XRCC5: variants seen among roughly 807,000 people sequenced by gnomAD.
XRCC5 encodes X-ray repair cross complementing 5.
XRCC5 carries 12 observed loss-of-function variants against 95.7 expected under a neutral mutation model. The ratio of observed to expected loss-of-function variants is 0.13; its 90% confidence interval spans 0.08 to 0.20. The LOEUF is 0.20. Ranked by LOEUF, XRCC5 falls within the 10% of genes least tolerant of loss-of-function variation. XRCC5 has a pLI of 1.00. For missense variants in XRCC5, 595 were observed against 873.9 expected (o/e 0.68, Z 4.02); for synonymous variants, 281 against 290.3 (o/e 0.97, Z 0.33).
intron 16 of XRCC5, among the ~76,000 whole-genome samples, chr2:216,189,990 A>C (rs1011756938): frequency 2.0e-5 from 3 of 152,220 alleles, no homozygotes; most frequent in Non-Finnish European, 4.4e-5. Flanking sequence ...AATTCTCAGC[A>C]TTTTAGAAAT....
chr2:216,123,220 C>G (rs1010348830), intron 6 of XRCC5, among the ~76,000 whole-genome samples: 2 of 152,102 alleles, frequency 1.3e-5, no homozygotes, highest in Non-Finnish European at 2.9e-5. Context: ...CAGTGTATAT[C>G]TCCTTAATAT....
At position 216,204,263 on chromosome 2, in the gene XRCC5, C is replaced by G. The variant is rs774095057; in HGVS notation, c.2110-59C>G. Reference sequence around the variant, plus strand: ...GCTGTGGCAATGCTAGCAGATTGTTCCCTCTTTCAAAGGGGCAAAAATATC... The same window carrying G: ...GCTGTGGCAATGCTAGCAGATTGTTGCCTCTTTCAAAGGGGCAAAAATATC... On this transcript the variant is annotated intron_variant, in intron 19 of 20. Transcript: ENST00000392132. The G allele has an allele frequency of 3.1e-6, 5 of 1,598,452 alleles. No homozygotes were observed. The African/African-American group carries it at 5.4e-5, about 17-fold the overall frequency.
intron 6 of XRCC5, among the ~76,000 whole-genome samples, chr2:216,124,331 C>G (rs963786689): frequency 2.0e-5 from 3 of 152,186 alleles, no homozygotes; most frequent in Non-Finnish European, 4.4e-5. Context: ...ACTGCAACCT[C>G]TGCCTCCCAG....
At chr2:216,200,221 A>G (rs1689810723) in intron 19 of XRCC5, among the ~76,000 whole-genome samples, 1 of 152,162 alleles carries the variant, frequency 6.6e-6, no homozygotes, top group South Asian at 2.1e-4. Context: ...TACCTAGAGA[A>G]AGGATGCTCA....
intron 12 of XRCC5, 99 bp downstream of exon 12, chr2:216,138,278 G>T: frequency 2.0e-6 from 2 of 1,010,584 alleles, no homozygotes; most frequent in Non-Finnish European, 3.0e-6. Flanking sequence ...TATTTATAGG[G>T]TGCAATTAGT....
At chr2:216,125,832 C>A in intron 6 of XRCC5, 85 bp from the exon 7 acceptor site, 1 of 1,092,454 alleles carries the variant, frequency 9.2e-7, no homozygotes, top group African/African-American at 1.6e-5. Flanking sequence ...TAGCTCACTT[C>A]TCATTGTAGA....
In XRCC5 at chr2:216,142,496, A is replaced by G. The variant is rs117680299; in HGVS notation, c.1476+1177A>G. ...ACAAGAGAGCTGACTTATGCTGAGG[A>G]AGGGGAGGGCTAGACCAAGGTTGAA... On this transcript the variant is annotated intron_variant, in intron 13 of 20. Transcript: ENST00000392132. Among the ~76,000 whole-genome samples the G allele has an allele frequency of 1.2e-3, 182 of 152,262 alleles. 3 individuals are homozygous for G. In the East Asian group the frequency reaches 0.033, roughly 28 times the overall value.
chr2:216,122,389 A>G (rs1320645233), intron 6 of XRCC5, 136 bp downstream of exon 6: 3 of 805,158 alleles, frequency 3.7e-6, no homozygotes, highest in East Asian at 2.7e-5. Flanking sequence ...GAGTTTTATT[A>G]AAGAAATAGT....
At chr2:216,175,751 T>C in intron 16 of XRCC5, 1 of 452,940 alleles carries the variant, frequency 2.2e-6, no homozygotes. Context: ...AAGCACACAT[T>C]GCTGTGTCCA....
At chr2:216,176,412 C>G (rs1272564667) in intron 16 of XRCC5, among the ~76,000 whole-genome samples, 3 of 152,208 alleles carry the variant, frequency 2.0e-5, no homozygotes, top group Admixed American at 6.5e-5. Context: ...AGCCACTGCA[C>G]CGGGCCCAAT....
chr2:216,139,395 G>T (rs1364259803), intron 12 of XRCC5, among the ~76,000 whole-genome samples: 1 of 152,140 alleles, frequency 6.6e-6, no homozygotes, highest in African/African-American at 2.4e-5. Flanking sequence ...AAGAGAAAAT[G>T]AGGAAGAAGC....
At chr2:216,185,331 G>A (rs535994941) in intron 16 of XRCC5, among the ~76,000 whole-genome samples, 66 of 152,244 alleles carry the variant, frequency 4.3e-4, no homozygotes, top group African/African-American at 1.6e-3. Context: ...ACCCACAATG[G>A]CCAATTTATA....
At chr2:216,118,959 TCTC>T (rs1696751869) in intron 4 of XRCC5, 81 bp from the exon 5 acceptor site, 4 of 1,433,856 alleles carry the variant, frequency 2.8e-6, no homozygotes, top group East Asian at 2.3e-5. Flanking sequence ...TCTAAGCTTC[TCTC>T]CTCAGTGACC....
At chr2:216,109,573 ATGG>A in intron 1 of XRCC5, 116 bp downstream of exon 1, 1 of 1,465,024 alleles carries the variant, frequency 6.8e-7, no homozygotes, top group Middle Eastern at 1.7e-4. Flanking sequence ...AGAGAAGATC[ATGG>A]TGGTGGGCTC....
chr2:216,136,780 G>T (rs543587254), intron 10 of XRCC5, among the ~76,000 whole-genome samples: 151 of 152,290 alleles, frequency 9.9e-4, no homozygotes, highest in African/African-American at 3.2e-3. Flanking sequence ...ATAGCAATTT[G>T]TGGAGAGGGA....
At chr2:216,200,034 G>A (rs896579323) in intron 19 of XRCC5, among the ~76,000 whole-genome samples, 3 of 148,126 alleles carry the variant, frequency 2.0e-5, no homozygotes, top group Non-Finnish European at 4.4e-5. Flanking sequence ...AATTGGTGTT[G>A]GCCATTTTAC....
Position 216,117,804 on chromosome 2 carries a change from C to A in XRCC5, c.368+10C>A. 3.1e-6 allele frequency: 5 copies of A among 1,613,756 alleles called. No homozygotes were observed. Among genetic ancestry groups the A allele is most frequent in the Non-Finnish European group, 4.2e-6 (5 of 1,179,752 alleles). On this transcript the variant is annotated intron_variant, in intron 4 of 20. Transcript: ENST00000392132. ...TTCAACATGAAACAATGTAAGTGTTCCAAGGAAGAGAGCTGGAAGAGAATC... is the reference window on the plus strand; with the variant it reads ...TTCAACATGAAACAATGTAAGTGTTACAAGGAAGAGAGCTGGAAGAGAATC...
intron 16 of XRCC5, among the ~76,000 whole-genome samples, chr2:216,168,317 T>C (rs1262365096): frequency 6.6e-6 from 1 of 152,202 alleles, no homozygotes; most frequent in African/African-American, 2.4e-5. Flanking sequence ...ACTGGTTGTG[T>C]ATATTTCATT....
rs59013043 is a variant in XRCC5 at position 216,173,665 on chromosome 2, G to C, written c.1834+11617G>C. On this transcript the variant is annotated intron_variant, in intron 16 of 20. Coordinates refer to ENST00000392132, the MANE Select transcript of XRCC5 (RefSeq NM_021141.4). ...TGGAAACTTAATCCCCATTCTAACGGTGTTGAGAGGTGGGACCTTTAAGAA... is the reference window on the plus strand; with the variant it reads ...TGGAAACTTAATCCCCATTCTAACGCTGTTGAGAGGTGGGACCTTTAAGAA... Among the ~76,000 whole-genome samples the C allele has an allele frequency of 2.1e-3, 317 of 152,310 alleles. 1 individual carries two copies. The highest frequency in any genetic ancestry group is 7.1e-3 in the African/African-American group (293 of 41,558).
Sources: gnomAD v4.1 joint callset for allele counts (sites outside exome capture counted in the v4.1 genomes callset) on GRCh38, gnomAD v4.1.1 for gene constraint, MANE v1.5 for transcripts, NCBI Gene and HGNC (gene_info 2026-07-23, HGNC 2026-07-21) for gene names.